The following KRT222 variants were observed in gnomAD, a reference collection of about 807,000 sequenced individuals.
The protein encoded by KRT222 is keratin 222, also known as keratin-like protein KRT222.
KRT222 carries 23 observed loss-of-function variants against 35.0 expected under a neutral mutation model. That is an observed-to-expected ratio of 0.66 (90% CI 0.47 to 0.93). The LOEUF is 0.93. Ranked by LOEUF, KRT222 falls within the 40% of genes least tolerant of loss-of-function variation. The pLI is 0.00. For missense variants in KRT222, 339 were observed against 346.3 expected (o/e 0.98, Z 0.17); for synonymous variants, 108 against 118.8 (o/e 0.91, Z 0.59).
At chr17:40,664,922 C>A (rs749405343) in intron 1 of KRT222, 82 bp downstream of exon 1, 111 of 1,602,234 alleles carry the variant, frequency 6.9e-5, no homozygotes, top group Non-Finnish European at 8.4e-5. Context: ...AATACTGTAC[C>A]TCAGAGAGGC....
chr17:40,665,001 T>C lies in KRT222; in HGVS notation c.96+3A>G. On this transcript the variant is annotated splice_donor_region_variant and intron_variant, in intron 1 of 5. Transcript: ENST00000394052. ...AAGGTGCCTGTCTGTATGAAATCATTACCTGGATCCTTGTTGAGAGCACCG... is the reference window on the plus strand; with the variant it reads ...AAGGTGCCTGTCTGTATGAAATCATCACCTGGATCCTTGTTGAGAGCACCG... 1 of 1,613,958 alleles carries C rather than the reference T, an allele frequency of 6.2e-7. No individual in the cohort carries two copies. The highest frequency in any genetic ancestry group is 8.5e-7 in the Non-Finnish European group (1 of 1,179,922).
chr17:40,665,011 C>T lies in KRT222; in HGVS notation c.89G>A (p.Arg30Lys). Reference sequence around the variant, plus strand: ...TCTGTATGAAATCATTACCTGGATCCTTGTTGAGAGCACCGTCTCTATCTG... The same window carrying T: ...TCTGTATGAAATCATTACCTGGATCTTTGTTGAGAGCACCGTCTCTATCTG... ...RNQIETVLSTRIQLEEDISKK... is the reference protein window; with the variant it reads ...RNQIETVLSTKIQLEEDISKK... Residue 30 changes from arginine (R) to lysine (K), a missense_variant, in exon 1 of 6, where the codon AGG becomes AAG. Coordinates refer to ENST00000394052, the MANE Select transcript of KRT222 (RefSeq NM_152349.3). The T allele has an allele frequency of 6.2e-7, 1 of 1,613,946 alleles. No homozygotes were observed. The highest frequency in any genetic ancestry group is 8.5e-7 in the Non-Finnish European group (1 of 1,179,952).
intron 1 of KRT222, among the ~76,000 whole-genome samples, chr17:40,663,561 T>G (rs985524017): frequency 6.6e-6 from 1 of 152,208 alleles, no homozygotes; most frequent in Admixed American, 6.5e-5. Context: ...GCCAGACACA[T>G]AAGTGAGCCC....
At position 40,661,955 on chromosome 17, in the gene KRT222, C is replaced by A; in HGVS notation, c.186G>T (p.Trp62Cys). The A allele has an allele frequency of 6.2e-7, 1 of 1,614,154 alleles. No individual in the cohort carries two copies. The highest frequency in any genetic ancestry group is 8.5e-7 in the Non-Finnish European group (1 of 1,180,016). ...QAELKEARRQ[W>C]HHLQVEIESL... ...ATTCAATTTCCACTTGCAGGTGGTG[C>A]CACTGGCGTCGGGCCTCCTTGAGTT... Residue 62 changes from tryptophan (W) to cysteine (C), a missense_variant, in exon 2 of 6, where the codon TGG becomes TGT. Trp to Cys is a radical substitution (Grantham distance 215). Transcript: ENST00000394052.
intron 2 of KRT222, among the ~76,000 whole-genome samples, chr17:40,661,382 T>G (rs1039466927): frequency 6.6e-6 from 1 of 152,018 alleles, no homozygotes; most frequent in African/African-American, 2.4e-5. Context: ...TTTTTGTGCC[T>G]CAGCCTCCTA....
Position 40,657,506 on chromosome 17 carries a change from T to A in KRT222, c.524-19A>T. On this transcript the variant is annotated intron_variant, in intron 4 of 5. Coordinates refer to ENST00000394052, the MANE Select transcript of KRT222 (RefSeq NM_152349.3). ...ATAATGGCTGTGAAAATATCATTTA[T>A]GATATATTAAATTACAGTATTGAAT... 1.3e-6 allele frequency: 2 copies of A among 1,559,290 alleles called. No individual in the cohort carries two copies. Among genetic ancestry groups the A allele is most frequent in the Non-Finnish European group, 1.8e-6 (2 of 1,141,612 alleles).
chr17:40,664,158 C>T (rs1380831105), intron 1 of KRT222, among the ~76,000 whole-genome samples: 2 of 151,798 alleles, frequency 1.3e-5, no homozygotes, highest in Non-Finnish European at 2.9e-5. Flanking sequence ...ATAACTTGAA[C>T]CCATATATGA....
chr17:40,658,160 T>G (rs1384210393), intron 3 of KRT222, among the ~76,000 whole-genome samples: 1 of 151,632 alleles, frequency 6.6e-6, no homozygotes, highest in Non-Finnish European at 1.5e-5. Flanking sequence ...TTTGGAACTA[T>G]TTTTCTTCTT....
chr17:40,664,551 T>C (rs2037408140), intron 1 of KRT222, among the ~76,000 whole-genome samples: 1 of 152,204 alleles, frequency 6.6e-6, no homozygotes, highest in African/African-American at 2.4e-5. Flanking sequence ...GTTAAAAAGA[T>C]GATAGAAACC....
At chr17:40,664,934 G>C (rs147496895) in intron 1 of KRT222, 70 bp downstream of exon 1, 1 of 1,608,294 alleles carries the variant, frequency 6.2e-7, no homozygotes, top group East Asian at 2.2e-5. Flanking sequence ...CAGAGAGGCC[G>C]GGACAGGAAT....
At chr17:40,656,879 C>T (rs910708605) in intron 5 of KRT222, among the ~76,000 whole-genome samples, 1 of 152,058 alleles carries the variant, frequency 6.6e-6, no homozygotes, top group African/African-American at 2.4e-5. Flanking sequence ...ATTCAGTACT[C>T]TTCCATGAGT....
At chr17:40,656,854 A>G (rs565610200) in intron 5 of KRT222, among the ~76,000 whole-genome samples, 1 of 152,204 alleles carries the variant, frequency 6.6e-6, no homozygotes, top group African/African-American at 2.4e-5. Context: ...TTTGGAAAAA[A>G]ACGGCAAAGT....
In KRT222 at chr17:40,655,978, GGTGAATAACTCAGT is replaced by G. The variant is rs541541056; in HGVS notation, c.*410_*423del. On this transcript the variant is annotated 3_prime_UTR_variant, in exon 6 of 6. Transcript: ENST00000394052. The stretch of plus-strand genomic sequence containing the variant: ...TAGGTTTAACCAGTCATGGAATAAT[GGTGAATAACTCAGT>G]GTGACTCTTAACACAATCCTATTCA... 2.2e-3 allele frequency: 336 copies of G among 153,532 alleles called. 1 individual carries two copies. Among genetic ancestry groups the G allele is most frequent in the Non-Finnish European group, 3.0e-3 (209 of 69,022 alleles). The allele number at this position is 153,532 out of a possible 1,614,324, so 9.5% of individuals were successfully genotyped here. A position where few individuals can be genotyped will look rare whatever the true frequency, so the allele number is the denominator to read the frequency against.
At chr17:40,664,227 T>C (rs910575616) in intron 1 of KRT222, among the ~76,000 whole-genome samples, 2 of 152,236 alleles carry the variant, frequency 1.3e-5, no homozygotes, top group African/African-American at 4.8e-5. Flanking sequence ...TATTTGTTTG[T>C]AAATTTGTTT....
rs1179776996 is a variant in KRT222 at position 40,665,145 on chromosome 17, A to T, written c.-46T>A. 4 of 1,575,400 alleles carry T rather than the reference A, an allele frequency of 2.5e-6. No individual in the cohort carries two copies. The highest frequency in any genetic ancestry group is 2.6e-6 in the Non-Finnish European group (3 of 1,146,828). On this transcript the variant is annotated 5_prime_UTR_variant, in exon 1 of 6. Transcript: ENST00000394052. ...TGGCTAACTGAACCTTATCGATAGG[A>T]TGAGTCGCTGCGGCAGTCTGCTCGG...
At chr17:40,662,086 A>G (rs2037387783) in intron 1 of KRT222, 42 bp from the exon 2 acceptor site, 1 of 1,599,022 alleles carries the variant, frequency 6.3e-7, no homozygotes, top group Non-Finnish European at 8.5e-7. Context: ...ACAAAAAACA[A>G]GGAGTGCTTC....
chr17:40,657,169 G>A (rs1050563348), intron 5 of KRT222, 183 bp downstream of exon 5: 7 of 339,266 alleles, frequency 2.1e-5, no homozygotes, highest in East Asian at 5.5e-5. Flanking sequence ...CCAAGATCGC[G>A]CCACTGCACT....
chr17:40,659,182 G>A (rs1177668034), intron 3 of KRT222, among the ~76,000 whole-genome samples: 2 of 146,964 alleles, frequency 1.4e-5, no homozygotes, highest in Admixed American at 6.9e-5. Context: ...TTGAGGTGGA[G>A]TCTCACTCTG....
At position 40,656,268 on chromosome 17, in the gene KRT222, TGAAG is replaced by T; in HGVS notation, c.*130_*133del. ...AATGTCCTTTATTGTTTTTTTCTTC[TGAAG>T]AGAACCACATATTGATCATAACATT... On this transcript the variant is annotated 3_prime_UTR_variant, in exon 6 of 6. Coordinates refer to ENST00000394052, the MANE Select transcript of KRT222 (RefSeq NM_152349.3). 1 of 612,966 alleles carries T rather than the reference TGAAG, an allele frequency of 1.6e-6. No individual in the cohort carries two copies. The highest frequency in any genetic ancestry group is 2.9e-6 in the Non-Finnish European group (1 of 344,360). 38.0% of individuals were successfully genotyped at this position (612,966 alleles called of 1,614,324 possible).
Sources: gnomAD v4.1 joint callset for allele counts (sites outside exome capture counted in the v4.1 genomes callset) on GRCh38, gnomAD v4.1.1 for gene constraint, MANE v1.5 for transcripts, NCBI Gene and HGNC (gene_info 2026-07-23, HGNC 2026-07-21) for gene names.